The following SCAI variants were observed in gnomAD, a reference collection of about 807,000 sequenced individuals.
SCAI encodes the protein suppressor of cancer cell invasion.
In SCAI, 24 loss-of-function variants were observed where a neutral mutation model predicts 92.2. The observed-to-expected ratio is 0.26, with a 90% CI of 0.19 to 0.37. The LOEUF (loss-of-function observed/expected upper bound fraction) is 0.37, where lower values mean the gene tolerates loss of function less well. Among genes scored for constraint, SCAI ranks in the 10% least tolerant of loss-of-function variants. The pLI, the probability that SCAI is intolerant of heterozygous loss-of-function variation, is 1.00. For synonymous variants in SCAI, 261 were observed against 258.6 expected, an observed-to-expected ratio of 1.01 and a Z score of -0.09; for missense variants, 450 against 736.2, an observed-to-expected ratio of 0.61 and a Z score of 4.50.
At chr9:124,963,848 A>G (rs1831491283) in intron 17 of SCAI, among the ~76,000 whole-genome samples, 1 of 151,766 alleles carries the variant, frequency 6.6e-6, no homozygotes, top group Non-Finnish European at 1.5e-5. Flanking sequence ...GGATTATCAT[A>G]AAGGTCTTCA....
chr9:125,035,134 T>C (rs1186861376), intron 3 of SCAI, among the ~76,000 whole-genome samples: 1 of 152,064 alleles, frequency 6.6e-6, no homozygotes, highest in Non-Finnish European at 1.5e-5. Flanking sequence ...ATGGGAGGAC[T>C]GCTTGAACCC....
intron 2 of SCAI, among the ~76,000 whole-genome samples, chr9:125,102,453 C>T (rs1003018735): frequency 1.3e-5 from 2 of 152,114 alleles, no homozygotes; most frequent in Non-Finnish European, 2.9e-5. Context: ...AGCTGCTCCT[C>T]CAGCCACCAC....
In SCAI at chr9:125,108,157, G is replaced by C. The variant is rs1834844714; in HGVS notation, c.98+34476C>G. ...TGCTCAATGTTGCCCAGGCTGGAGTGCAGTGGCGTGATCTCAGCTCGCTAC... is the reference window on the plus strand; with the variant it reads ...TGCTCAATGTTGCCCAGGCTGGAGTCCAGTGGCGTGATCTCAGCTCGCTAC... On this transcript the variant is annotated intron_variant, in intron 2 of 17. Transcript: ENST00000336505. Among the ~76,000 whole-genome samples the C allele has an allele frequency of 2.0e-5, 3 of 152,398 alleles. No homozygotes were observed. In the South Asian group the frequency reaches 6.2e-4, roughly 32 times the overall value.
chr9:125,056,122 T>C (rs1833659618), intron 2 of SCAI, 115 bp from the exon 3 acceptor site: 1 of 747,596 alleles, frequency 1.3e-6, no homozygotes, highest in African/African-American at 1.8e-5. Flanking sequence ...ATTCTTCTGA[T>C]TACAATCAAA....
intron 17 of SCAI, chr9:124,968,893 C>T: frequency 4.5e-6 from 2 of 445,534 alleles, no homozygotes; most frequent in South Asian, 4.2e-5. Context: ...TGTAGTTCAT[C>T]TGTTTTCCAA....
intron 2 of SCAI, among the ~76,000 whole-genome samples, chr9:125,111,559 A>T (rs549701198): frequency 6.0e-4 from 88 of 147,292 alleles, no homozygotes; most frequent in Admixed American, 1.4e-3. Context: ...TTTTGTGAAA[A>T]TTTTTTTTTT....
rs150160881 is a variant in SCAI, at chr9:124,954,541, C to G, written c.1675-1588G>C. Among the ~76,000 whole-genome samples the G allele has an allele frequency of 7.2e-5, 11 of 152,306 alleles. No individual in the cohort carries two copies. In the East Asian group the frequency reaches 1.9e-3, roughly 27 times the overall value. On this transcript the variant is annotated intron_variant, in intron 17 of 17. Coordinates refer to ENST00000336505, the MANE Select transcript of SCAI (RefSeq NM_001144877.3). Reference sequence around the variant, plus strand: ...ACTAAGGCTAAGAAAGGTGAGATCACTCTTCAATGTCACACAGCTAGTGAG... The same window carrying G: ...ACTAAGGCTAAGAAAGGTGAGATCAGTCTTCAATGTCACACAGCTAGTGAG...
chr9:124,976,378 C>A (rs1214024736), intron 14 of SCAI, among the ~76,000 whole-genome samples, 192 bp from the exon 15 acceptor site: 1 of 152,184 alleles, frequency 6.6e-6, no homozygotes, highest in Non-Finnish European at 1.5e-5. Context: ...TTCTTAAAGG[C>A]TCTCAATTGA....
intron 2 of SCAI, among the ~76,000 whole-genome samples, chr9:125,064,722 T>C (rs1232627826): frequency 6.6e-6 from 1 of 152,052 alleles, no homozygotes. Flanking sequence ...GGTGGGTGCC[T>C]GTAACCCCAG....
At chr9:125,000,817 T>A (rs1251559802) in intron 12 of SCAI, among the ~76,000 whole-genome samples, 2 of 152,290 alleles carry the variant, frequency 1.3e-5, no homozygotes, top group African/African-American at 2.4e-5. Flanking sequence ...TTATCACTAT[T>A]GTATCAAGCA....
chr9:124,959,944 A>G (rs1588116242), intron 17 of SCAI, among the ~76,000 whole-genome samples: 1 of 152,236 alleles, frequency 6.6e-6, no homozygotes, highest in East Asian at 1.9e-4. Context: ...ATTGATGGAC[A>G]TTTGGGTTGG....
At chr9:124,992,369 G>T (rs1832145688) in intron 14 of SCAI, among the ~76,000 whole-genome samples, 1 of 151,502 alleles carries the variant, frequency 6.6e-6, no homozygotes, top group South Asian at 2.1e-4. Context: ...ACTCCATATG[G>T]GGTTCTCTTT....
chr9:124,963,098 C>G (rs1470226682), intron 17 of SCAI, among the ~76,000 whole-genome samples: 2 of 149,036 alleles, frequency 1.3e-5, no homozygotes, highest in East Asian at 2.0e-4. Flanking sequence ...CACACCCAGC[C>G]TATATACTGT....
Position 124,948,148 on chromosome 9 carries a change from C to T in SCAI, c.*4659G>A, listed in dbSNP as rs964841826. 8.5e-5 allele frequency: 13 copies of T among 152,148 alleles called. 2 individuals carry two copies. Among genetic ancestry groups the T allele is most frequent in the Admixed American group, 5.2e-4 (8 of 15,276 alleles). 9.4% of individuals were successfully genotyped at this position (152,148 alleles called of 1,614,324 possible). A position where few individuals can be genotyped will look rare whatever the true frequency, so the allele number is the denominator to read the frequency against. ...TATCCTGACTAAATCAGTATAATTA[C>T]GACATAATCTGTTTCAGGGAATTCT... On this transcript the variant is annotated 3_prime_UTR_variant, in exon 18 of 18. Coordinates refer to ENST00000336505, the MANE Select transcript of SCAI (RefSeq NM_001144877.3).
chr9:124,995,766 T>C lies in SCAI; in HGVS notation c.1245-751A>G, dbSNP rs114679021. ...TCAGCTTCCCAAAGTGCTAGGATTA[T>C]GGGCATGAGTCACTGTGCCCAGCTA... On this transcript the variant is annotated intron_variant, in intron 13 of 17. Coordinates refer to ENST00000336505, the MANE Select transcript of SCAI (RefSeq NM_001144877.3). Among the ~76,000 whole-genome samples, 690 of 152,238 alleles carry C rather than the reference T, an allele frequency of 4.5e-3. 3 individuals carry two copies. Among genetic ancestry groups the C allele is most frequent in the African/African-American group, 0.016 (650 of 41,542 alleles).
rs200503242 is a variant in SCAI at position 125,046,703 on chromosome 9, T to TA, written c.230+9172_230+9173insT. Among the ~76,000 whole-genome samples the TA allele has an allele frequency of 7.0e-3, 867 of 124,520 alleles. 3 individuals carry two copies. Among genetic ancestry groups the TA allele is most frequent in the Non-Finnish European group, 9.8e-3 (588 of 60,260 alleles). The allele number at this position is 124,520 out of a possible 152,430, so 81.7% of individuals were successfully genotyped here. On this transcript the variant is annotated intron_variant, in intron 3 of 17. Transcript: ENST00000336505. ...CTGTTCCCCAAAAAACTACTGAAAT[T>TA]TAAAAAAAAAAAAAAACTAACTACA...
chr9:125,115,240 T>C (rs6478693), intron 2 of SCAI, among the ~76,000 whole-genome samples: 67,983 of 151,428 alleles, frequency 0.45, 15,629 homozygotes, highest in East Asian at 0.61. Flanking sequence ...GGCGTGGTGG[T>C]GGGCACCTGT....
intron 3 of SCAI, among the ~76,000 whole-genome samples, chr9:125,042,646 C>CGTGTGTGTGTGT (rs1833344990): frequency 2.0e-5 from 2 of 98,900 alleles, no homozygotes; most frequent in African/African-American, 7.0e-5. Context: ...CACACACACA[C>CGTGTGTGTGTGT]ACACACACAC....
chr9:124,971,308 A>G (rs1831654357), intron 17 of SCAI, 62 bp downstream of exon 17: 4 of 875,372 alleles, frequency 4.6e-6, no homozygotes, highest in Non-Finnish European at 7.3e-6. Flanking sequence ...GGTAAAATAT[A>G]ATACATGGTT....
Sources: gnomAD v4.1 joint callset for allele counts (sites outside exome capture counted in the v4.1 genomes callset) on GRCh38, gnomAD v4.1.1 for gene constraint, MANE v1.5 for transcripts, NCBI Gene and HGNC (gene_info 2026-07-23, HGNC 2026-07-21) for gene names.